EPHA6: variants seen among roughly 807,000 people sequenced by gnomAD.
The protein encoded by EPHA6 is EPH receptor A6.
EPHA6 carries 50 observed loss-of-function variants against 112.0 expected under a neutral mutation model. That is an observed-to-expected ratio of 0.45 (90% CI 0.36 to 0.56). The LOEUF is 0.56. EPHA6 is among the 20% of genes least tolerant of loss of function. EPHA6 has a pLI of 0.00. For synonymous variants in EPHA6, 529 were observed against 490.7 expected, an observed-to-expected ratio of 1.08 and a Z score of -1.03; for missense variants, 1,280 against 1,417.4, an observed-to-expected ratio of 0.90 and a Z score of 1.56.
chr3:97,451,521 C>A (rs957326952), intron 7 of EPHA6, among the ~76,000 whole-genome samples: 1 of 150,558 alleles, frequency 6.6e-6, no homozygotes, highest in Non-Finnish European at 1.5e-5. Context: ...TTGTGTAAAC[C>A]TGATGTTTGA....
chr3:96,830,322 A>G (rs1416189446), intron 1 of EPHA6, among the ~76,000 whole-genome samples: 1 of 152,172 alleles, frequency 6.6e-6, no homozygotes, highest in African/African-American at 2.4e-5. Context: ...TAATGCGCAT[A>G]TAAAAATGTA....
In EPHA6 at chr3:97,300,216, A is replaced by G. The variant is rs528389258; in HGVS notation, c.1606+55929A>G. Among the ~76,000 whole-genome samples the G allele has an allele frequency of 1.1e-4, 17 of 152,276 alleles. No individual in the cohort carries two copies. In the South Asian group the frequency reaches 3.5e-3, roughly 32 times the overall value. ...CTGAATGGAGAAAAGTCATGCCAAG[A>G]ATTGCTCAGATCTTCAGTTGTCTTA... On this transcript the variant is annotated intron_variant, in intron 5 of 17. Transcript: ENST00000389672.
At chr3:97,310,638 A>G (rs1029196878) in intron 5 of EPHA6, among the ~76,000 whole-genome samples, 3 of 151,588 alleles carry the variant, frequency 2.0e-5, no homozygotes, top group Non-Finnish European at 3.0e-5. Flanking sequence ...CAAATGAGAG[A>G]AAGAGCATTG....
intron 3 of EPHA6, among the ~76,000 whole-genome samples, chr3:97,086,677 T>G (rs142749155): frequency 4.1e-4 from 62 of 152,174 alleles, no homozygotes; most frequent in African/African-American, 1.4e-3. Context: ...ATTTTATTGT[T>G]TAACATTTTG....
At chr3:97,361,477 A>C (rs1374480822) in intron 5 of EPHA6, among the ~76,000 whole-genome samples, 3 of 152,158 alleles carry the variant, frequency 2.0e-5, no homozygotes, top group Non-Finnish European at 2.9e-5. Context: ...GTTGCTTATA[A>C]CATAATACCT....
intron 3 of EPHA6, among the ~76,000 whole-genome samples, chr3:97,208,318 G>T (rs1419802304): frequency 6.6e-6 from 1 of 152,102 alleles, no homozygotes; most frequent in Non-Finnish European, 1.5e-5. Flanking sequence ...AATATTAATG[G>T]AAAGGTGGTA....
At chr3:97,594,898 C>T (rs1017896662) in intron 12 of EPHA6, among the ~76,000 whole-genome samples, 27 of 152,248 alleles carry the variant, frequency 1.8e-4, no homozygotes, top group African/African-American at 6.3e-4. Flanking sequence ...AATTGATTAT[C>T]GGTCACAGTA....
chr3:97,497,522 A>G (rs2092011187), intron 10 of EPHA6, among the ~76,000 whole-genome samples: 1 of 152,082 alleles, frequency 6.6e-6, no homozygotes, highest in Non-Finnish European at 1.5e-5. Flanking sequence ...ATTATTACCA[A>G]CTAACATGTA....
chr3:97,334,248 ATTTTTT>A (rs754259436), intron 5 of EPHA6, among the ~76,000 whole-genome samples: 1 of 151,874 alleles, frequency 6.6e-6, no homozygotes, highest in Non-Finnish European at 1.5e-5. Context: ...ATTGGTCTTT[ATTTTTT>A]TAACTATATT....
chr3:97,216,625 T>G (rs981012316), intron 3 of EPHA6, among the ~76,000 whole-genome samples: 34 of 152,328 alleles, frequency 2.2e-4, no homozygotes, highest in African/African-American at 7.9e-4. Context: ...ATGGTAGGCC[T>G]ATGTTCCTAC....
At chr3:96,870,039 A>G (rs554325360) in intron 2 of EPHA6, among the ~76,000 whole-genome samples, 5 of 152,086 alleles carry the variant, frequency 3.3e-5, no homozygotes, top group African/African-American at 1.2e-4. Flanking sequence ...GTGAATTGGT[A>G]TTAGGAAACT....
At chr3:97,217,712 T>C (rs1490772903) in intron 3 of EPHA6, among the ~76,000 whole-genome samples, 1 of 152,202 alleles carries the variant, frequency 6.6e-6, no homozygotes, top group Non-Finnish European at 1.5e-5. Flanking sequence ...GTATGCCAAT[T>C]ATACTTCAGT....
chr3:97,169,161 G>C (rs891019672), intron 3 of EPHA6, among the ~76,000 whole-genome samples: 2 of 152,098 alleles, frequency 1.3e-5, no homozygotes. Context: ...CTTCATTTGA[G>C]ATCCAGGTGA....
intron 11 of EPHA6, among the ~76,000 whole-genome samples, chr3:97,556,172 C>A (rs962571706): frequency 2.6e-5 from 4 of 152,156 alleles, no homozygotes; most frequent in South Asian, 2.1e-4. Flanking sequence ...CCTGAAAAAA[C>A]CACAAGAGAG....
At chr3:97,395,664 A>G (rs996278209) in intron 5 of EPHA6, among the ~76,000 whole-genome samples, 2 of 151,640 alleles carry the variant, frequency 1.3e-5, no homozygotes, top group African/African-American at 2.4e-5. Context: ...ATTATTCTTT[A>G]TTGACATTTC....
chr3:97,014,635 A>G (rs970772784), intron 3 of EPHA6, among the ~76,000 whole-genome samples: 7 of 152,204 alleles, frequency 4.6e-5, no homozygotes, highest in African/African-American at 1.7e-4. Context: ...GCAGAATTTA[A>G]TGATCTGCCT....
At chr3:96,841,449 A>G (rs2034743108) in intron 1 of EPHA6, among the ~76,000 whole-genome samples, 1 of 152,066 alleles carries the variant, frequency 6.6e-6, no homozygotes, top group South Asian at 2.1e-4. Flanking sequence ...AACACGTGTT[A>G]GGATCAAATT....
At chr3:97,367,495 G>GT (rs565546277) in intron 5 of EPHA6, among the ~76,000 whole-genome samples, 144 of 152,120 alleles carry the variant, frequency 9.5e-4, no homozygotes, top group African/African-American at 3.3e-3. Context: ...TCTTCTTTTG[G>GT]TTTTTTGCCT....
chr3:97,654,296 G>T (rs1219800565), intron 14 of EPHA6, among the ~76,000 whole-genome samples: 1 of 151,742 alleles, frequency 6.6e-6, no homozygotes, highest in Non-Finnish European at 1.5e-5. Flanking sequence ...AAGCGCTGGG[G>T]AGAAAACATT....
Sources: gnomAD v4.1 joint callset for allele counts (sites outside exome capture counted in the v4.1 genomes callset) on GRCh38, gnomAD v4.1.1 for gene constraint, MANE v1.5 for transcripts, NCBI Gene and HGNC (gene_info 2026-07-23, HGNC 2026-07-21) for gene names.